Variants in L3MBTL4 observed in about 807,000 individuals in gnomAD.
L3MBTL4 encodes the protein lethal(3)malignant brain tumor-like protein 4.
Under a neutral mutation model 84.5 loss-of-function variants are expected in L3MBTL4, and 70 were observed. That is an observed-to-expected ratio of 0.83 (90% confidence interval 0.68 to 1.01). The LOEUF (loss-of-function observed/expected upper bound fraction) is 1.01. Ranked by LOEUF, L3MBTL4 falls within the 50% of genes least tolerant of loss-of-function variation. The pLI, the probability that L3MBTL4 is intolerant of heterozygous loss-of-function variation, is 0.00. For missense variants in L3MBTL4, 715 were observed against 754.8 expected, an observed-to-expected ratio of 0.95 and a Z score of 0.62; for synonymous variants, 274 against 259.8, an observed-to-expected ratio of 1.05 and a Z score of -0.52.
At chr18:6,174,817 G>A (rs1219523414) in intron 12 of L3MBTL4, among the ~76,000 whole-genome samples, 12 of 144,974 alleles carry the variant, frequency 8.3e-5, no homozygotes, top group South Asian at 6.5e-4. Context: ...GCAGTGAGCC[G>A]AAATTGCGGC....
intron 4 of L3MBTL4, among the ~76,000 whole-genome samples, chr18:6,290,610 C>T (rs1247268088): frequency 6.6e-6 from 1 of 152,056 alleles, no homozygotes; most frequent in Non-Finnish European, 1.5e-5. Flanking sequence ...TCATTGCAAC[C>T]TCAACCTCCC....
chr18:6,256,814 C>T (rs1473164909), intron 5 of L3MBTL4: 2 of 152,238 alleles, frequency 1.3e-5, no homozygotes, highest in African/African-American at 4.8e-5. Context: ...GAGACTAAGA[C>T]AGGAACACCC....
chr18:6,123,843 C>T (rs1360345300), intron 14 of L3MBTL4, among the ~76,000 whole-genome samples: 1 of 152,138 alleles, frequency 6.6e-6, no homozygotes, highest in Non-Finnish European at 1.5e-5. Context: ...AGGGCTAGGC[C>T]CACCTGAAAC....
chr18:6,335,938 C>G (rs1371218425), intron 1 of L3MBTL4, among the ~76,000 whole-genome samples: 2 of 152,150 alleles, frequency 1.3e-5, no homozygotes, highest in Non-Finnish European at 2.9e-5. Context: ...TGAAAACGGA[C>G]TAATACAAGC....
intron 16 of L3MBTL4, 62 bp from the exon 17 acceptor site, chr18:5,969,624 G>GC: frequency 6.6e-7 from 1 of 1,519,928 alleles, no homozygotes; most frequent in Non-Finnish European, 8.9e-7. Flanking sequence ...TGCTGTGTCA[G>GC]CCCCGCAGTC....
chr18:6,406,639 G>A (rs2055747978), intron 1 of L3MBTL4, among the ~76,000 whole-genome samples: 1 of 152,136 alleles, frequency 6.6e-6, no homozygotes, highest in Middle Eastern at 3.2e-3. Flanking sequence ...AGGGGGAGGT[G>A]CTACAGACAT....
At chr18:6,200,747 T>A (rs2045614739) in intron 12 of L3MBTL4, among the ~76,000 whole-genome samples, 1 of 152,216 alleles carries the variant, frequency 6.6e-6, no homozygotes, top group African/African-American at 2.4e-5. Context: ...TTCTCACCCA[T>A]GCTTAAAGTA....
At chr18:6,410,713 G>A (rs542182732) in intron 1 of L3MBTL4, among the ~76,000 whole-genome samples, 5 of 152,046 alleles carry the variant, frequency 3.3e-5, no homozygotes, top group African/African-American at 9.7e-5. Flanking sequence ...CATCTCCTGC[G>A]GTCCCCACCT....
intron 16 of L3MBTL4, among the ~76,000 whole-genome samples, chr18:5,986,368 C>T (rs558934249): frequency 6.6e-6 from 1 of 152,282 alleles, no homozygotes; most frequent in East Asian, 1.9e-4. Flanking sequence ...GAATCAAACC[C>T]GGAACCTGAC....
intron 1 of L3MBTL4, among the ~76,000 whole-genome samples, chr18:6,383,145 G>A (rs916274836): frequency 2.6e-5 from 4 of 152,112 alleles, no homozygotes; most frequent in Non-Finnish European, 5.9e-5. Context: ...CTCAGCAATG[G>A]TGGACGCCCC....
rs1278044746 is a variant in L3MBTL4 at position 6,186,479 on chromosome 18, A to G, written c.982-14537T>C. Among the ~76,000 whole-genome samples the G allele has an allele frequency of 2.0e-5, 3 of 152,232 alleles. No homozygotes were observed. In the East Asian group the frequency reaches 5.8e-4, roughly 29 times the overall value. On this transcript the variant is annotated intron_variant, in intron 12 of 18. Coordinates refer to ENST00000317931, the MANE Select transcript of L3MBTL4 (RefSeq NM_001330559.2). ...GCCGAGAGACTGAAAATGGGACCGA[A>G]GAAATGGGGAGGACATGGGATAAAC...
chr18:6,184,740 T>C (rs894056927), intron 12 of L3MBTL4, among the ~76,000 whole-genome samples: 3 of 151,958 alleles, frequency 2.0e-5, no homozygotes, highest in African/African-American at 7.3e-5. Context: ...AAGAGAAGAG[T>C]GCATACGTGG....
chr18:6,023,569 C>T (rs144109587), intron 16 of L3MBTL4, among the ~76,000 whole-genome samples: 251 of 152,206 alleles, frequency 1.6e-3, no homozygotes, highest in African/African-American at 5.6e-3. Context: ...ACCAAGTACC[C>T]CGTTTTGATA....
intron 1 of L3MBTL4, among the ~76,000 whole-genome samples, chr18:6,401,566 C>T (rs558582753): frequency 6.6e-5 from 10 of 152,092 alleles, no homozygotes; most frequent in Non-Finnish European, 1.2e-4. Flanking sequence ...AAAGTTCAAA[C>T]GAGGAAAAAG....
intron 16 of L3MBTL4, among the ~76,000 whole-genome samples, chr18:6,064,892 T>C (rs2057350859): frequency 6.6e-6 from 1 of 152,102 alleles, no homozygotes; most frequent in Non-Finnish European, 1.5e-5. Flanking sequence ...TTATGTTGAA[T>C]AGAAGCGGTA....
intron 1 of L3MBTL4, among the ~76,000 whole-genome samples, chr18:6,403,104 C>G (rs1350368769): frequency 6.6e-6 from 1 of 152,238 alleles, no homozygotes; most frequent in East Asian, 1.9e-4. Context: ...CAGTTCTTCA[C>G]AGCAAAATAT....
intron 16 of L3MBTL4, among the ~76,000 whole-genome samples, chr18:6,023,287 T>C (rs1198491197): frequency 6.6e-6 from 1 of 152,266 alleles, no homozygotes; most frequent in East Asian, 1.9e-4. Context: ...ATCAGAAAAG[T>C]GGAAAATGAT....
chr18:6,088,853 C>G (rs1410271028), intron 15 of L3MBTL4, among the ~76,000 whole-genome samples: 1 of 152,116 alleles, frequency 6.6e-6, no homozygotes, highest in Non-Finnish European at 1.5e-5. Flanking sequence ...GCCATCCTTT[C>G]TGATTACCAC....
intron 16 of L3MBTL4, among the ~76,000 whole-genome samples, chr18:6,045,395 C>T (rs984774012): frequency 5.3e-5 from 8 of 152,176 alleles, no homozygotes; most frequent in Admixed American, 2.6e-4. Flanking sequence ...GTGTATTAAT[C>T]TGTTTTCACG....
Sources: allele counts gnomAD v4.1 joint callset (sites outside exome capture counted in the v4.1 genomes callset), GRCh38; gene constraint gnomAD v4.1.1; transcripts MANE v1.5; gene names NCBI Gene and HGNC (gene_info 2026-07-23, HGNC 2026-07-21).